The following SLC4A8 variants were observed in gnomAD, a reference collection of about 807,000 sequenced individuals.
The protein encoded by SLC4A8 is solute carrier family 4 member 8.
Under a neutral mutation model 125.0 loss-of-function variants are expected in SLC4A8, and 40 were observed. That is an observed-to-expected ratio of 0.32 (90% confidence interval 0.25 to 0.42). SLC4A8 has a LOEUF of 0.42. SLC4A8 is among the 10% of genes least tolerant of loss of function. The pLI is 1.00. For synonymous variants in SLC4A8, 456 were observed against 476.0 expected, an observed-to-expected ratio of 0.96 and a Z score of 0.55; for missense variants, 863 against 1,355.1, an observed-to-expected ratio of 0.64 and a Z score of 5.70.
At chr12:51,433,912 G>A (rs1364525700) in intron 1 of SLC4A8, among the ~76,000 whole-genome samples, 1 of 133,700 alleles carries the variant, frequency 7.5e-6, no homozygotes, top group African/African-American at 2.8e-5. Flanking sequence ...GTCTTTCTCC[G>A]TTGGCCATGC....
intron 13 of SLC4A8, 31 bp from the exon 14 acceptor site, chr12:51,471,256 T>C (rs757268974): frequency 1.1e-5 from 18 of 1,598,200 alleles, no homozygotes; most frequent in Non-Finnish European, 1.4e-5. Flanking sequence ...CATCCATCCA[T>C]GCGTTCTGAT....
At chr12:51,485,946 A>G in intron 17 of SLC4A8, 46 bp downstream of exon 17, 1 of 1,082,994 alleles carries the variant, frequency 9.2e-7, no homozygotes, top group South Asian at 1.3e-5. Context: ...AATTTCATAC[A>G]TTCTGATGCC....
chr12:51,494,428 T>A (rs76192060), intron 20 of SLC4A8: 2 of 136,190 alleles, frequency 1.5e-5, no homozygotes, highest in East Asian at 4.1e-4. Context: ...TTTTTTTTTT[T>A]CCTATGGCCA....
At chr12:51,495,228 A>C in intron 21 of SLC4A8, 110 bp downstream of exon 21, 1 of 893,926 alleles carries the variant, frequency 1.1e-6, no homozygotes, top group Non-Finnish European at 1.7e-6. Flanking sequence ...AGTGGCATTA[A>C]GTACATTCAC....
At chr12:51,438,537 C>T (rs1949492183) in intron 1 of SLC4A8, among the ~76,000 whole-genome samples, 1 of 152,158 alleles carries the variant, frequency 6.6e-6, no homozygotes, top group Non-Finnish European at 1.5e-5. Context: ...TGTTGTTGGA[C>T]ACCTAGGATG....
chr12:51,499,734 A>G (rs1167675671), intron 22 of SLC4A8, among the ~76,000 whole-genome samples: 2 of 152,136 alleles, frequency 1.3e-5, no homozygotes, highest in Non-Finnish European at 2.9e-5. Flanking sequence ...ATGATTAGAG[A>G]TGACTTCTGA....
chr12:51,457,672 T>C lies in SLC4A8; in HGVS notation c.763+133T>C, dbSNP rs1950196614. On this transcript the variant is annotated intron_variant, in intron 6 of 24. Coordinates refer to ENST00000453097, the MANE Select transcript of SLC4A8 (RefSeq NM_001039960.3). ...TGTCCACTTAGGCACTTAGTACTTT[T>C]TGGAGACTGGTAAGATTGGTGGCTG... The C allele has an allele frequency of 3.9e-6, 3 of 773,362 alleles. No individual in the cohort carries two copies. The African/African-American group carries it at 5.3e-5, about 14-fold the overall frequency. The allele number at this position is 773,362 out of a possible 1,614,324, so 47.9% of individuals were successfully genotyped here.
chr12:51,491,479 T>G (rs1951315533), intron 19 of SLC4A8, among the ~76,000 whole-genome samples: 1 of 151,808 alleles, frequency 6.6e-6, no homozygotes, highest in South Asian at 2.1e-4. Flanking sequence ...GAAAGAGGGA[T>G]TGGGTAGACA....
intron 11 of SLC4A8, 90 bp from the exon 12 acceptor site, chr12:51,469,524 G>A (rs1950629410): frequency 1.7e-6 from 2 of 1,154,728 alleles, no homozygotes; most frequent in African/African-American, 1.5e-5. Flanking sequence ...GCTGAACAGA[G>A]CACATTTGAA....
At position 51,424,921 on chromosome 12, in the gene SLC4A8, G is replaced by A; in HGVS notation, c.-67G>A. 2.0e-6 allele frequency: 3 copies of A among 1,526,808 alleles called. No individual in the cohort carries two copies. Among genetic ancestry groups the A allele is most frequent in the East Asian group, 2.5e-5 (1 of 40,736 alleles). 94.6% of individuals were successfully genotyped at this position (1,526,808 alleles called of 1,614,324 possible). A position where few individuals can be genotyped will look rare whatever the true frequency, so the allele number is the denominator to read the frequency against. ...CCGTTCGAGTGATCTGCTCAGACCC[G>A]ACCAGAGGGCGCGGGCTGCTGATGC... On this transcript the variant is annotated 5_prime_UTR_variant, in exon 1 of 25. Coordinates refer to ENST00000453097, the MANE Select transcript of SLC4A8 (RefSeq NM_001039960.3).
At chr12:51,404,926 T>C (rs1488258806) in intron 1 of SLC4A8, among the ~76,000 whole-genome samples, 3 of 152,232 alleles carry the variant, frequency 2.0e-5, no homozygotes, top group Middle Eastern at 3.2e-3. Context: ...CAAAAGAATC[T>C]GATCAATAAA....
Position 51,434,152 on chromosome 12 carries a change from G to A in SLC4A8, c.49-6556G>A, listed in dbSNP as rs185182714. On this transcript the variant is annotated intron_variant, in intron 1 of 24. Transcript: ENST00000453097. ...AGCCTTCCAAAGCTCTGGGGTTATA[G>A]GCATGAGTTGCAGAGCCTGGCCACA... Among the ~76,000 whole-genome samples the A allele has an allele frequency of 4.6e-3, 699 of 152,106 alleles. 3 individuals are homozygous for A. Among genetic ancestry groups the A allele is most frequent in the South Asian group, 7.3e-3 (35 of 4,808 alleles).
intron 8 of SLC4A8, 59 bp downstream of exon 8, chr12:51,460,167 GTA>G: frequency 3.0e-6 from 4 of 1,343,816 alleles, no homozygotes; most frequent in Non-Finnish European, 4.3e-6. Flanking sequence ...TGTAGTGCTG[GTA>G]GAAGAAACCA....
At chr12:51,490,812 G>A (rs896972054) in intron 19 of SLC4A8, among the ~76,000 whole-genome samples, 2 of 152,140 alleles carry the variant, frequency 1.3e-5, no homozygotes, top group Admixed American at 1.3e-4. Context: ...GGTAACCTTT[G>A]AAGGGTTTTA....
At chr12:51,482,826 T>C (rs1951064138) in intron 16 of SLC4A8, among the ~76,000 whole-genome samples, 1 of 152,150 alleles carries the variant, frequency 6.6e-6, no homozygotes, top group Non-Finnish European at 1.5e-5. Context: ...TCAGGAGCAC[T>C]ATGTGGCACA....
chr12:51,419,528 G>C (rs1270512244), intron 1 of SLC4A8, among the ~76,000 whole-genome samples: 1 of 152,168 alleles, frequency 6.6e-6, no homozygotes, highest in African/African-American at 2.4e-5. Context: ...TCAAGGACTT[G>C]GCAAGTAGTC....
At chr12:51,416,214 T>TTTG (rs1555185912) in intron 1 of SLC4A8, among the ~76,000 whole-genome samples, 32 of 144,546 alleles carry the variant, frequency 2.2e-4, no homozygotes, top group African/African-American at 7.4e-4. Context: ...GTCTTTTGTT[T>TTTG]TTTTTTTTTT....
intron 19 of SLC4A8, among the ~76,000 whole-genome samples, chr12:51,490,257 A>G (rs559167357): frequency 2.0e-5 from 3 of 152,136 alleles, no homozygotes; most frequent in Admixed American, 6.5e-5. Flanking sequence ...AGGAGATGCT[A>G]TTTAAGATGA....
At chr12:51,454,204 C>A (rs991342545) in intron 5 of SLC4A8, among the ~76,000 whole-genome samples, 1 of 152,194 alleles carries the variant, frequency 6.6e-6, no homozygotes, top group East Asian at 1.9e-4. Flanking sequence ...GGCTCAGGCA[C>A]GAGGATCACT....
Sources: gnomAD v4.1 joint callset for allele counts (sites outside exome capture counted in the v4.1 genomes callset) on GRCh38, gnomAD v4.1.1 for gene constraint, MANE v1.5 for transcripts, NCBI Gene and HGNC (gene_info 2026-07-23, HGNC 2026-07-21) for gene names.